The following KIAA0513 variants were observed in gnomAD, a reference collection of about 807,000 sequenced individuals.
The protein encoded by KIAA0513 is uncharacterized protein KIAA0513.
KIAA0513 carries 39 observed loss-of-function variants against 56.5 expected under a neutral mutation model. The observed-to-expected ratio is 0.69, with a 90% confidence interval of 0.53 to 0.90. KIAA0513 has a LOEUF of 0.90. KIAA0513 is among the 40% of genes least tolerant of loss of function. The probability of loss-of-function intolerance (pLI) is 0.00; values close to 1 mark genes in which losing one functional copy is unlikely to be tolerated. For synonymous variants in KIAA0513, 268 were observed against 215.6 expected (o/e 1.24, Z -2.13); for missense variants, 591 against 535.2 (o/e 1.10, Z -1.03).
At chr16:85,030,865 G>C (rs1049788072) in intron 1 of KIAA0513, among the ~76,000 whole-genome samples, 2 of 152,142 alleles carry the variant, frequency 1.3e-5, no homozygotes, top group Admixed American at 1.3e-4. Context: ...TTCACGGGGA[G>C]GTTGGCCAGT....
At chr16:85,066,086 C>T (rs113933389) in intron 1 of KIAA0513, among the ~76,000 whole-genome samples, 133 of 152,258 alleles carry the variant, frequency 8.7e-4, no homozygotes, top group African/African-American at 3.1e-3. Flanking sequence ...TGGTGTCTGT[C>T]AGTAAAGCAA....
At chr16:85,040,349 A>C (rs1174532457) in intron 1 of KIAA0513, among the ~76,000 whole-genome samples, 1 of 152,112 alleles carries the variant, frequency 6.6e-6, no homozygotes, top group Non-Finnish European at 1.5e-5. Context: ...CAGCCCAAAT[A>C]TTAACAGTGT....
intron 5 of KIAA0513, among the ~76,000 whole-genome samples, chr16:85,077,056 A>T (rs1023282117): frequency 6.6e-6 from 1 of 151,958 alleles, no homozygotes; most frequent in African/African-American, 2.4e-5. Flanking sequence ...CCACACTCCC[A>T]TTCCAGGGGC....
At chr16:85,038,568 C>G (rs371321922) in intron 1 of KIAA0513, among the ~76,000 whole-genome samples, 1 of 151,738 alleles carries the variant, frequency 6.6e-6, no homozygotes, top group East Asian at 1.9e-4. Context: ...GATAGCTGGG[C>G]GTGGTGGTGG....
chr16:85,030,184 C>T (rs1460565916), intron 1 of KIAA0513, among the ~76,000 whole-genome samples: 2 of 152,162 alleles, frequency 1.3e-5, no homozygotes, highest in Non-Finnish European at 2.9e-5. Context: ...ATTTAGACGT[C>T]CTTGAGAAAT....
intron 8 of KIAA0513, 117 bp downstream of exon 8, chr16:85,079,120 C>T (rs1036219370): frequency 6.5e-7 from 1 of 1,550,232 alleles, no homozygotes; most frequent in African/African-American, 1.4e-5. Flanking sequence ...CTCACACTCA[C>T]CAGAGTGGCA....
intron 1 of KIAA0513, among the ~76,000 whole-genome samples, chr16:85,062,613 C>T (rs1034569206): frequency 6.6e-6 from 1 of 152,182 alleles, no homozygotes; most frequent in Non-Finnish European, 1.5e-5. Flanking sequence ...ATGCAATCCA[C>T]AGATGGGTTT....
chr16:85,050,164 C>T (rs980559620), intron 1 of KIAA0513, among the ~76,000 whole-genome samples: 2 of 151,908 alleles, frequency 1.3e-5, no homozygotes, highest in African/African-American at 4.8e-5. Flanking sequence ...CTCAAGGGCC[C>T]AGCCCTCGAC....
intron 8 of KIAA0513, chr16:85,079,333 C>G (rs1490039802): frequency 6.4e-6 from 2 of 313,658 alleles, no homozygotes; most frequent in East Asian, 1.1e-4. Context: ...CTCACAAAAC[C>G]TTGTACACAA....
At chr16:85,070,926 A>G (rs1036307678) in intron 2 of KIAA0513, among the ~76,000 whole-genome samples, 2 of 152,220 alleles carry the variant, frequency 1.3e-5, no homozygotes, top group African/African-American at 2.4e-5. Context: ...CATCTTCACA[A>G]GCGTTCCAGA....
At chr16:85,046,260 A>T (rs2073169998) in intron 1 of KIAA0513, among the ~76,000 whole-genome samples, 1 of 152,224 alleles carries the variant, frequency 6.6e-6, no homozygotes, top group African/African-American at 2.4e-5. Flanking sequence ...TTCTCTTAGC[A>T]GTTTCTTACC....
At chr16:85,034,670 C>T (rs1264599200) in intron 1 of KIAA0513, among the ~76,000 whole-genome samples, 1 of 152,126 alleles carries the variant, frequency 6.6e-6, no homozygotes, top group Non-Finnish European at 1.5e-5. Flanking sequence ...GTTATTATGG[C>T]TCATATTTAT....
intron 1 of KIAA0513, among the ~76,000 whole-genome samples, chr16:85,035,003 C>G (rs1216120761): frequency 6.6e-6 from 1 of 152,230 alleles, no homozygotes; most frequent in Non-Finnish European, 1.5e-5. Flanking sequence ...CCCCTAAGCC[C>G]CACCCCACAC....
At chr16:85,078,368 G>C (rs2073689991) in intron 6 of KIAA0513, 47 bp from the exon 7 acceptor site, 1 of 1,608,388 alleles carries the variant, frequency 6.2e-7, no homozygotes, top group Non-Finnish European at 8.5e-7. Context: ...AGTTGAGAAA[G>C]TGTGGTGTGA....
chr16:85,065,877 G>T (rs1039447897), intron 1 of KIAA0513, among the ~76,000 whole-genome samples: 1 of 152,200 alleles, frequency 6.6e-6, no homozygotes, highest in Non-Finnish European at 1.5e-5. Flanking sequence ...TCAGATCCCA[G>T]CTCTGCCACC....
intron 8 of KIAA0513, among the ~76,000 whole-genome samples, chr16:85,080,246 A>G (rs2144082086): frequency 6.6e-6 from 1 of 152,272 alleles, no homozygotes; most frequent in South Asian, 2.1e-4. Context: ...TCTGTCCTTG[A>G]CTTGGCTGCT....
rs932610243 is a variant in KIAA0513 at position 85,086,518 on chromosome 16, C to A, written c.1011-126C>A. ...CACACGGCTCTCCGGTGGAAGGCACCCCCTTCTGTGCCCGGTGGGGGCCGT... is the reference window on the plus strand; with the variant it reads ...CACACGGCTCTCCGGTGGAAGGCACACCCTTCTGTGCCCGGTGGGGGCCGT... On this transcript the variant is annotated intron_variant, in intron 10 of 12. Coordinates refer to ENST00000683363, the MANE Select transcript of KIAA0513 (RefSeq NM_001388359.1). 9.2e-6 allele frequency: 8 copies of A among 870,320 alleles called. No homozygotes were observed. In the East Asian group the frequency reaches 1.6e-4, roughly 17 times the overall value. The allele number at this position is 870,320 out of a possible 1,614,324, so 53.9% of individuals were successfully genotyped here. A position where few individuals can be genotyped will look rare whatever the true frequency, so the allele number is the denominator to read the frequency against.
chr16:85,033,499 C>T (rs1255069354), intron 1 of KIAA0513, among the ~76,000 whole-genome samples: 1 of 152,244 alleles, frequency 6.6e-6, no homozygotes, highest in Non-Finnish European at 1.5e-5. Context: ...GCCACTTAGG[C>T]AATGCTGCCC....
At chr16:85,068,311 C>G (rs1263287777) in intron 2 of KIAA0513, among the ~76,000 whole-genome samples, 1 of 151,970 alleles carries the variant, frequency 6.6e-6, no homozygotes, top group East Asian at 1.9e-4. Flanking sequence ...TGTGCACCAC[C>G]ACGCCTGGCT....
Sources: allele counts gnomAD v4.1 joint callset (sites outside exome capture counted in the v4.1 genomes callset), GRCh38; gene constraint gnomAD v4.1.1; transcripts MANE v1.5; gene names NCBI Gene and HGNC (gene_info 2026-07-23, HGNC 2026-07-21).